NRG3: variants seen among roughly 807,000 people sequenced by gnomAD.
The protein encoded by NRG3 is neuregulin 3.
Under a neutral mutation model 66.9 loss-of-function variants are expected in NRG3, and 31 were observed. The ratio of observed to expected loss-of-function variants is 0.46; its 90% CI spans 0.35 to 0.63. NRG3 has a LOEUF of 0.63. NRG3 is among the 20% of genes least tolerant of loss of function. NRG3 has a pLI of 0.00. For missense variants in NRG3, 910 were observed against 878.9 expected, an observed-to-expected ratio of 1.04 and a Z score of -0.45; for synonymous variants, 393 against 359.4, an observed-to-expected ratio of 1.09 and a Z score of -1.06.
At chr10:82,671,300 G>A (rs1177869263) in intron 2 of NRG3, among the ~76,000 whole-genome samples, 1 of 152,222 alleles carries the variant, frequency 6.6e-6, no homozygotes, top group Non-Finnish European at 1.5e-5. Context: ...CTTGGGTGGT[G>A]TTGTTCTCAT....
intron 2 of NRG3, among the ~76,000 whole-genome samples, chr10:82,504,159 G>T (rs1844457081): frequency 1.3e-5 from 2 of 152,140 alleles, no homozygotes; most frequent in Non-Finnish European, 1.5e-5. Flanking sequence ...TTGCAGAAGG[G>T]ACGGGTTTCT....
Position 82,975,809 on chromosome 10 carries a change from G to A in NRG3, c.1412+1894G>A, listed in dbSNP as rs561350918. Among the ~76,000 whole-genome samples the A allele has an allele frequency of 9.9e-4, 151 of 152,234 alleles. 1 individual carries two copies. Among genetic ancestry groups the A allele is most frequent in the Non-Finnish European group, 1.8e-3 (122 of 68,018 alleles). Reference sequence around the variant, plus strand: ...AGGCATAAAACTCTTTTTAAGACAGGTCACTAGTTCATACTGATATACTTT... The same window carrying A: ...AGGCATAAAACTCTTTTTAAGACAGATCACTAGTTCATACTGATATACTTT... On this transcript the variant is annotated intron_variant, in intron 7 of 8. Transcript: ENST00000372141.
intron 1 of NRG3, among the ~76,000 whole-genome samples, chr10:82,135,772 TA>T (rs1212941747): frequency 2.6e-5 from 4 of 152,164 alleles, no homozygotes; most frequent in Admixed American, 6.6e-5. Context: ...CAAGCTTCCT[TA>T]AAACAGCAAT....
intron 4 of NRG3, among the ~76,000 whole-genome samples, chr10:82,900,271 A>G (rs1362411877): frequency 6.6e-6 from 1 of 152,180 alleles, no homozygotes; most frequent in African/African-American, 2.4e-5. Context: ...ACATTTCAAC[A>G]TGAGATTTGG....
At chr10:81,923,861 G>T (rs933276346) in intron 1 of NRG3, among the ~76,000 whole-genome samples, 1 of 152,170 alleles carries the variant, frequency 6.6e-6, no homozygotes, top group Non-Finnish European at 1.5e-5. Context: ...CACCTACTCT[G>T]CTAGCAGAGG....
intron 1 of NRG3, among the ~76,000 whole-genome samples, chr10:82,015,884 A>G (rs1042284634): frequency 6.6e-6 from 1 of 151,690 alleles, no homozygotes; most frequent in Non-Finnish European, 1.5e-5. Flanking sequence ...ATAGTGTATT[A>G]AAAATAGCAC....
At chr10:82,756,224 A>G (rs1156899055) in intron 3 of NRG3, among the ~76,000 whole-genome samples, 1 of 152,084 alleles carries the variant, frequency 6.6e-6, no homozygotes, top group East Asian at 1.9e-4. Flanking sequence ...GGACTTCAGC[A>G]GCTGCTCTTC....
chr10:82,018,069 T>G (rs2061873057), intron 1 of NRG3, among the ~76,000 whole-genome samples: 1 of 152,176 alleles, frequency 6.6e-6, no homozygotes, highest in Non-Finnish European at 1.5e-5. Context: ...TGGTTTTAGG[T>G]CTAATGTTGA....
chr10:82,264,726 C>A (rs891406460), intron 1 of NRG3, among the ~76,000 whole-genome samples: 1 of 152,064 alleles, frequency 6.6e-6, no homozygotes, highest in Non-Finnish European at 1.5e-5. Flanking sequence ...TGAGGACATC[C>A]TAATGGCCAA....
rs186626182 is a variant in NRG3, at chr10:82,580,345, C to G, written c.954-158232C>G. Among the ~76,000 whole-genome samples, 271 of 152,028 alleles carry G rather than the reference C, an allele frequency of 1.8e-3. 1 individual carries two copies. Among genetic ancestry groups the G allele is most frequent in the Non-Finnish European group, 2.6e-3 (180 of 67,926 alleles). Reference sequence around the variant, plus strand: ...GAGTTCCTATATAATCACTCCCCCCCCACAGTTTCCACTATTATTAACACT... The same window carrying G: ...GAGTTCCTATATAATCACTCCCCCCGCACAGTTTCCACTATTATTAACACT... On this transcript the variant is annotated intron_variant, in intron 2 of 8. Coordinates refer to ENST00000372141, the MANE Select transcript of NRG3 (RefSeq NM_001010848.4).
At chr10:82,778,499 C>T (rs528570068) in intron 3 of NRG3, among the ~76,000 whole-genome samples, 4 of 152,182 alleles carry the variant, frequency 2.6e-5, no homozygotes, top group African/African-American at 9.6e-5. Context: ...CTTATAAAAC[C>T]ATCAGGCCTC....
At chr10:82,084,430 A>G (rs187003735) in intron 1 of NRG3, among the ~76,000 whole-genome samples, 45 of 151,524 alleles carry the variant, frequency 3.0e-4, no homozygotes, top group African/African-American at 1.0e-3. Context: ...CCTACTTTCA[A>G]TTGCTTTTTA....
chr10:82,564,084 C>CT (rs2045234873), intron 2 of NRG3, among the ~76,000 whole-genome samples: 1 of 152,060 alleles, frequency 6.6e-6, no homozygotes, highest in African/African-American at 2.4e-5. Context: ...ATATTACTTT[C>CT]TTTTCTCAGG....
chr10:82,290,342 C>T (rs187461162), intron 1 of NRG3, among the ~76,000 whole-genome samples: 15 of 152,300 alleles, frequency 9.8e-5, no homozygotes, highest in African/African-American at 3.4e-4. Context: ...GCATTATAAA[C>T]ATGAAGTTTT....
intron 2 of NRG3, among the ~76,000 whole-genome samples, chr10:82,568,971 T>A (rs654070): frequency 0.085 from 12,844 of 151,866 alleles, 628 homozygotes; most frequent in East Asian, 0.15. Context: ...TCCATGCCAG[T>A]AAGCCTTCTA....
intron 4 of NRG3, among the ~76,000 whole-genome samples, chr10:82,880,391 G>T (rs1842201985): frequency 6.6e-6 from 1 of 152,136 alleles, no homozygotes; most frequent in Non-Finnish European, 1.5e-5. Context: ...TCAGGGCACA[G>T]AAAGTTAGTC....
At chr10:82,756,539 C>A (rs2059086736) in intron 3 of NRG3, among the ~76,000 whole-genome samples, 1 of 152,032 alleles carries the variant, frequency 6.6e-6, no homozygotes, top group African/African-American at 2.4e-5. Context: ...GATTGTGCAC[C>A]TAAAATATAC....
intron 4 of NRG3, among the ~76,000 whole-genome samples, chr10:82,902,632 A>G (rs931043220): frequency 4.6e-5 from 7 of 152,264 alleles, no homozygotes; most frequent in Admixed American, 2.6e-4. Flanking sequence ...TAGACACACT[A>G]TCCATTTGCT....
chr10:82,416,657 C>T (rs2088601881), intron 2 of NRG3, among the ~76,000 whole-genome samples: 1 of 152,100 alleles, frequency 6.6e-6, no homozygotes, highest in Non-Finnish European at 1.5e-5. Flanking sequence ...CTTGTTCTAC[C>T]TTCTCAGCCT....
Sources: allele counts gnomAD v4.1 joint callset (sites outside exome capture counted in the v4.1 genomes callset), GRCh38; gene constraint gnomAD v4.1.1; transcripts MANE v1.5; gene names NCBI Gene and HGNC (gene_info 2026-07-23, HGNC 2026-07-21).